Variants in CPEB3 observed in about 807,000 individuals in gnomAD.
The protein encoded by CPEB3 is cytoplasmic polyadenylation element-binding protein 3.
Under a neutral mutation model 67.2 loss-of-function variants are expected in CPEB3, and 20 were observed. That is an observed-to-expected ratio of 0.30 (90% confidence interval 0.21 to 0.43). The LOEUF is 0.43. CPEB3 is among the 20% of genes least tolerant of loss of function. CPEB3 has a pLI of 1.00. For missense variants in CPEB3, 746 were observed against 968.6 expected, an observed-to-expected ratio of 0.77 and a Z score of 3.05; for synonymous variants, 376 against 393.1, an observed-to-expected ratio of 0.96 and a Z score of 0.51.
At chr10:92,169,935 CAA>C (rs904839746) in intron 4 of CPEB3, among the ~76,000 whole-genome samples, 11 of 152,228 alleles carry the variant, frequency 7.2e-5, no homozygotes, top group African/African-American at 2.6e-4. Context: ...ATGAAGCATC[CAA>C]AGCCCTTCAT....
At chr10:92,064,453 G>A (rs559666355) in intron 9 of CPEB3, among the ~76,000 whole-genome samples, 1 of 152,152 alleles carries the variant, frequency 6.6e-6, no homozygotes, top group African/African-American at 2.4e-5. Context: ...TAAACTACTG[G>A]ACACAGGGAC....
intron 1 of CPEB3, among the ~76,000 whole-genome samples, chr10:92,245,764 C>T (rs1219588590): frequency 1.3e-5 from 2 of 152,136 alleles, no homozygotes; most frequent in Non-Finnish European, 2.9e-5. Context: ...TAGCCGGGCA[C>T]GGTGGCTCAT....
At position 92,050,516 on chromosome 10, in the gene CPEB3, G is replaced by C. The variant is rs181769533; in HGVS notation, c.*1696C>G. On this transcript the variant is annotated 3_prime_UTR_variant, in exon 10 of 10. Transcript: ENST00000265997. The stretch of plus-strand genomic sequence containing the variant: ...AGATTTACATAGTCTTGCAATCATT[G>C]TGTGTGTTTATATATTACTATCTGC... The C allele has an allele frequency of 1.3e-5, 2 of 152,724 alleles. No individual in the cohort carries two copies. Among genetic ancestry groups the C allele is most frequent in the African/African-American group, 4.8e-5 (2 of 41,586 alleles). 9.5% of individuals were successfully genotyped at this position (152,724 alleles called of 1,614,324 possible).
chr10:92,173,050 A>C (rs1298850111), intron 4 of CPEB3, among the ~76,000 whole-genome samples: 1 of 152,212 alleles, frequency 6.6e-6, no homozygotes, highest in Non-Finnish European at 1.5e-5. Context: ...CTGATCACCC[A>C]TATTGAGTGC....
intron 9 of CPEB3, among the ~76,000 whole-genome samples, chr10:92,061,419 CAAAAAAAAAA>C (rs148327302): frequency 3.2e-5 from 3 of 93,348 alleles, no homozygotes; most frequent in African/African-American, 8.0e-5. Flanking sequence ...AATTCTGTCT[CAAAAAAAAAA>C]AAAAAAAAAA....
At chr10:92,093,480 A>G (rs1843708658) in intron 7 of CPEB3, among the ~76,000 whole-genome samples, 4 of 152,032 alleles carry the variant, frequency 2.6e-5, no homozygotes, top group Admixed American at 2.6e-4. Context: ...TTAAAACTGG[A>G]ATTGCTCAGT....
chr10:92,235,646 G>A (rs1041111270), intron 2 of CPEB3, among the ~76,000 whole-genome samples: 17 of 152,226 alleles, frequency 1.1e-4, no homozygotes, highest in Non-Finnish European at 2.9e-5. Flanking sequence ...TACAGGTGAA[G>A]AAATTGAGAA....
Position 92,060,498 on chromosome 10 carries a change from CA to C in CPEB3, c.1870-8060del, listed in dbSNP as rs575794230. 1.1e-3 allele frequency among the ~76,000 whole-genome samples: 167 copies of C among 152,116 alleles called. 1 individual carries two copies. The highest frequency in any genetic ancestry group is 8.9e-3 in the Admixed American group (136 of 15,268). Reference sequence around the variant, plus strand: ...CAAAACCCCCCAACAAACAGACAACCAAAGCAAAAATGGACAAATAGGATCA... The same window carrying C: ...CAAAACCCCCCAACAAACAGACAACCAAGCAAAAATGGACAAATAGGATCA... On this transcript the variant is annotated intron_variant, in intron 9 of 9. Coordinates refer to ENST00000265997, the MANE Select transcript of CPEB3 (RefSeq NM_014912.5).
intron 1 of CPEB3, among the ~76,000 whole-genome samples, chr10:92,262,607 G>A (rs1326049020): frequency 6.6e-6 from 1 of 152,130 alleles, no homozygotes; most frequent in African/African-American, 2.4e-5. Context: ...AGCACTTTGG[G>A]AGGCTGAGGG....
chr10:92,238,998 T>A (rs571259855), intron 2 of CPEB3, among the ~76,000 whole-genome samples: 3 of 152,272 alleles, frequency 2.0e-5, no homozygotes, highest in African/African-American at 4.8e-5. Flanking sequence ...AATCTCAGCC[T>A]ACTCATCCTG....
intron 6 of CPEB3, among the ~76,000 whole-genome samples, chr10:92,139,875 C>G (rs1471886391): frequency 1.3e-5 from 2 of 152,012 alleles, no homozygotes; most frequent in Non-Finnish European, 1.5e-5. Context: ...GAGTTCAAGA[C>G]CAGCCTGGCC....
At chr10:92,284,457 T>C (rs1842443063) in intron 1 of CPEB3, among the ~76,000 whole-genome samples, 1 of 152,180 alleles carries the variant, frequency 6.6e-6, no homozygotes, top group Non-Finnish European at 1.5e-5. Flanking sequence ...TTTCACTCAC[T>C]GATATTTTTG....
At chr10:92,077,973 C>T (rs1341140448) in intron 9 of CPEB3, among the ~76,000 whole-genome samples, 2 of 152,240 alleles carry the variant, frequency 1.3e-5, no homozygotes, top group East Asian at 3.9e-4. Flanking sequence ...CCCCAGGGCA[C>T]TGAAGAAACT....
In CPEB3 at chr10:92,275,122, A is replaced by G. The variant is rs187856137; in HGVS notation, c.-12+15804T>C. ...GAGCTCACCCATGTCCTTCCAATGA[A>G]TTTCCTTTTTGCTTAAGTTAGCTCT... On this transcript the variant is annotated intron_variant, in intron 1 of 9. Coordinates refer to ENST00000265997, the MANE Select transcript of CPEB3 (RefSeq NM_014912.5). 7.8e-4 allele frequency among the ~76,000 whole-genome samples: 118 copies of G among 152,194 alleles called. 2 individuals carry two copies. The highest frequency in any genetic ancestry group is 2.6e-3 in the African/African-American group (109 of 41,508).
chr10:92,115,986 CA>C (rs1465904660), intron 6 of CPEB3, among the ~76,000 whole-genome samples: 1 of 151,782 alleles, frequency 6.6e-6, no homozygotes, highest in African/African-American at 2.4e-5. Context: ...TTTTCTTCCA[CA>C]ACAGTATCAG....
chr10:92,076,303 C>G (rs1564758147), intron 9 of CPEB3: 1 of 152,208 alleles, frequency 6.6e-6, no homozygotes, highest in Non-Finnish European at 1.5e-5. Context: ...TGACCAAAGA[C>G]TGAAGTTCTC....
chr10:92,212,174 C>T (rs1850127691), intron 2 of CPEB3, among the ~76,000 whole-genome samples: 1 of 151,708 alleles, frequency 6.6e-6, no homozygotes, highest in South Asian at 2.1e-4. Flanking sequence ...AGCCACCGTG[C>T]CCAGCTCCAA....
At chr10:92,148,963 C>T (rs891910520) in intron 4 of CPEB3, among the ~76,000 whole-genome samples, 1 of 148,972 alleles carries the variant, frequency 6.7e-6, no homozygotes, top group Non-Finnish European at 1.5e-5. Context: ...CGCAGTGGCA[C>T]AATCTTGGCT....
At chr10:92,123,000 TG>T (rs758520721) in intron 6 of CPEB3, among the ~76,000 whole-genome samples, 21 of 152,376 alleles carry the variant, frequency 1.4e-4, no homozygotes, top group Admixed American at 7.2e-4. Context: ...GCCTGTTTTG[TG>T]TTTTCTACGA....
Sources: allele counts gnomAD v4.1 joint callset (sites outside exome capture counted in the v4.1 genomes callset), GRCh38; gene constraint gnomAD v4.1.1; transcripts MANE v1.5; gene names NCBI Gene and HGNC (gene_info 2026-07-23, HGNC 2026-07-21).